Variants in RBFOX1 observed in about 807,000 individuals in gnomAD.
The protein encoded by RBFOX1 is RNA binding protein fox-1 homolog 1.
A neutral mutation model predicts 57.7 loss-of-function variants in RBFOX1; 8 were observed. That is an observed-to-expected ratio of 0.14 (90% CI 0.08 to 0.25). The LOEUF (loss-of-function observed/expected upper bound fraction) is 0.25, where lower values mean the gene tolerates loss of function less well. RBFOX1 is among the 10% of genes least tolerant of loss of function. The pLI, the probability that RBFOX1 is intolerant of heterozygous loss-of-function variation, is 1.00. For missense variants in RBFOX1, 611 were observed against 548.5 expected (o/e 1.11, Z -1.14); for synonymous variants, 326 against 222.4 (o/e 1.47, Z -4.15).
chr16:6,948,608 C>G (rs1241648545), intron 3 of RBFOX1, among the ~76,000 whole-genome samples: 1 of 151,878 alleles, frequency 6.6e-6, no homozygotes, highest in Admixed American at 6.6e-5. Flanking sequence ...TCTTGAACTG[C>G]TGACTTCAAA....
At chr16:6,608,642 T>G (rs999018433) in intron 2 of RBFOX1, among the ~76,000 whole-genome samples, 3 of 152,126 alleles carry the variant, frequency 2.0e-5, no homozygotes, top group Admixed American at 6.6e-5. Flanking sequence ...TAACTAGTCA[T>G]GGCGGCACAT....
chr16:5,966,672 A>T (rs1325673805), intron 4 of RBFOX1, among the ~76,000 whole-genome samples: 1 of 151,930 alleles, frequency 6.6e-6, no homozygotes, highest in Non-Finnish European at 1.5e-5. Flanking sequence ...AAACGCCCAA[A>T]ATCTTTTGAC....
intron 3 of RBFOX1, among the ~76,000 whole-genome samples, chr16:5,649,075 T>C (rs1309334273): frequency 6.6e-6 from 1 of 151,652 alleles, no homozygotes; most frequent in South Asian, 2.1e-4. Context: ...AAAAAAAATA[T>C]ATATCAGATG....
chr16:6,623,732 A>T (rs1025407387), intron 2 of RBFOX1, among the ~76,000 whole-genome samples: 6 of 152,034 alleles, frequency 3.9e-5, no homozygotes, highest in African/African-American at 1.4e-4. Flanking sequence ...GCTGAGAATG[A>T]TGGTTTCCAG....
At chr16:6,650,854 T>C (rs1602735530) in intron 2 of RBFOX1, among the ~76,000 whole-genome samples, 1 of 152,288 alleles carries the variant, frequency 6.6e-6, no homozygotes, top group South Asian at 2.1e-4. Context: ...AACATTTCTG[T>C]AGACTTAACC....
At chr16:7,153,739 A>AAT (rs1398104653) in intron 4 of RBFOX1, among the ~76,000 whole-genome samples, 16 of 151,036 alleles carry the variant, frequency 1.1e-4, no homozygotes, top group Admixed American at 5.3e-4. Context: ...AAAAAAAAAA[A>AAT]AATAAGGAAA....
intron 1 of RBFOX1, among the ~76,000 whole-genome samples, chr16:6,105,316 T>C (rs554345819): frequency 1.3e-5 from 2 of 152,322 alleles, no homozygotes; most frequent in Non-Finnish European, 2.9e-5. Context: ...GATTCATCTA[T>C]TGCTAGAAGG....
Position 6,722,600 on chromosome 16 carries a change from C to G in RBFOX1, c.-16+67950C>G, listed in dbSNP as rs77459118. 5.9e-3 allele frequency among the ~76,000 whole-genome samples: 901 copies of G among 152,264 alleles called. 7 individuals carry two copies. The highest frequency in any genetic ancestry group is 0.017 in the African/African-American group (703 of 41,552). ...AACCTACAGACTTCTTTAGAATAAT[C>G]AAGGGGTCCTTAAGTTTCTGTCTTG... On this transcript the variant is annotated intron_variant, in intron 3 of 15. Transcript: ENST00000550418.
At chr16:6,300,264 A>G (rs1166663276) in intron 1 of RBFOX1, among the ~76,000 whole-genome samples, 2 of 152,198 alleles carry the variant, frequency 1.3e-5, no homozygotes, top group Non-Finnish European at 2.9e-5. Flanking sequence ...CAAGAGACCT[A>G]TGGTACAACT....
chr16:6,770,289 A>C (rs2078068405), intron 3 of RBFOX1, among the ~76,000 whole-genome samples: 1 of 152,214 alleles, frequency 6.6e-6, no homozygotes, highest in East Asian at 1.9e-4. Flanking sequence ...AACTTGACCA[A>C]ATCCAGTAGC....
At chr16:6,847,516 A>G (rs1032054692) in intron 3 of RBFOX1, among the ~76,000 whole-genome samples, 2 of 152,102 alleles carry the variant, frequency 1.3e-5, no homozygotes, top group Admixed American at 1.3e-4. Flanking sequence ...TATTGGCCAA[A>G]GCATGATACG....
At chr16:5,456,933 A>G (rs1454195311) in intron 1 of RBFOX1, among the ~76,000 whole-genome samples, 1 of 152,044 alleles carries the variant, frequency 6.6e-6, no homozygotes, top group Admixed American at 6.5e-5. Context: ...CTAGGCCTTT[A>G]TCTTAGTCCG....
intron 2 of RBFOX1, among the ~76,000 whole-genome samples, chr16:6,424,734 T>C (rs1396525662): frequency 6.6e-6 from 1 of 152,092 alleles, no homozygotes; most frequent in Admixed American, 6.6e-5. Flanking sequence ...TGTTCAACTA[T>C]AGGGATGTGG....
intron 4 of RBFOX1, among the ~76,000 whole-genome samples, chr16:5,966,805 T>C (rs2059852511): frequency 6.6e-6 from 1 of 151,790 alleles, no homozygotes; most frequent in Admixed American, 6.6e-5. Context: ...TGAGATGAGA[T>C]TTGGGTAGGG....
rs33986994 is a variant in RBFOX1, at chr16:6,706,711, C to CTTTT, written c.-16+52074_-16+52077dup. Among the ~76,000 whole-genome samples, 102 of 142,260 alleles carry CTTTT rather than the reference C, an allele frequency of 7.2e-4. 1 individual carries two copies. Among genetic ancestry groups the CTTTT allele is most frequent in the African/African-American group, 2.5e-3 (95 of 38,462 alleles). 93.3% of individuals were successfully genotyped at this position (142,260 alleles called of 152,430 possible). ...TTGTTCTAATGGCTACAGCTGCAGT[C>CTTTT]TTTTTTTTTTTTTTTTAATAGAGTG... is the stretch of plus-strand genomic sequence containing the variant. On this transcript the variant is annotated intron_variant, in intron 3 of 15. Transcript: ENST00000550418.
intron 3 of RBFOX1, among the ~76,000 whole-genome samples, chr16:7,018,537 T>C (rs978023087): frequency 6.6e-6 from 1 of 152,196 alleles, no homozygotes. Context: ...GCAGTAAACA[T>C]ACATGTGCAT....
intron 1 of RBFOX1, among the ~76,000 whole-genome samples, chr16:5,327,215 C>T (rs1350984259): frequency 7.5e-6 from 1 of 133,922 alleles, no homozygotes; most frequent in African/African-American, 2.8e-5. Flanking sequence ...ATCAAAATGC[C>T]GTGGAGACCT....
chr16:7,624,911 G>C (rs1358526602), intron 10 of RBFOX1, among the ~76,000 whole-genome samples: 1 of 152,178 alleles, frequency 6.6e-6, no homozygotes, highest in Non-Finnish European at 1.5e-5. Flanking sequence ...ACGTGGAGTG[G>C]TTTTAAGGAG....
chr16:6,770,433 G>C (rs2078096033), intron 3 of RBFOX1, among the ~76,000 whole-genome samples: 1 of 152,190 alleles, frequency 6.6e-6, no homozygotes. Flanking sequence ...TGTATACCCA[G>C]CTGCACCTAT....
Sources: gnomAD v4.1 joint callset for allele counts (sites outside exome capture counted in the v4.1 genomes callset) on GRCh38, gnomAD v4.1.1 for gene constraint, MANE v1.5 for transcripts, NCBI Gene and HGNC (gene_info 2026-07-23, HGNC 2026-07-21) for gene names.